LIN28B: variants seen among roughly 807,000 people sequenced by gnomAD.
The protein encoded by LIN28B is lin-28 RNA binding posttranscriptional regulator B, also known as protein lin-28 homolog B.
LIN28B carries 5 observed loss-of-function variants against 21.9 expected under a neutral mutation model. That is an observed-to-expected ratio of 0.23 (90% confidence interval 0.12 to 0.48). The LOEUF (loss-of-function observed/expected upper bound fraction) is 0.48. LIN28B is among the 20% of genes least tolerant of loss of function. The pLI, the probability that LIN28B is intolerant of heterozygous loss-of-function variation, is 0.98. For synonymous variants in LIN28B, 109 were observed against 111.3 expected, an observed-to-expected ratio of 0.98 and a Z score of 0.13; for missense variants, 245 against 310.5, an observed-to-expected ratio of 0.79 and a Z score of 1.58.
chr6:105,029,096 A>T (rs1397718278), intron 3 of LIN28B, among the ~76,000 whole-genome samples: 1 of 152,234 alleles, frequency 6.6e-6, no homozygotes, highest in African/African-American at 2.4e-5. Flanking sequence ...TCTGAGGTTG[A>T]CAAGAACGGG....
At chr6:105,027,374 G>T (rs1436916726) in intron 3 of LIN28B, among the ~76,000 whole-genome samples, 4 of 151,938 alleles carry the variant, frequency 2.6e-5, no homozygotes, top group African/African-American at 4.8e-5. Context: ...TTTGTTTGTG[G>T]TTTTTTTCAC....
intron 2 of LIN28B, among the ~76,000 whole-genome samples, chr6:105,018,609 T>C (rs1192307712): frequency 1.3e-5 from 2 of 152,232 alleles, no homozygotes; most frequent in African/African-American, 4.8e-5. Flanking sequence ...CTATTTTATG[T>C]ATTCCCTTTC....
chr6:104,955,522 ATTAAAT>A (rs1236178529), upstream of LIN28B, among the ~76,000 whole-genome samples: 2 of 152,218 alleles, frequency 1.3e-5, no homozygotes, highest in Admixed American at 1.3e-4. Context: ...ATCTGAGCCA[ATTAAAT>A]TTATATTTAG....
intron 2 of LIN28B, among the ~76,000 whole-genome samples, chr6:104,959,734 A>C (rs1350240704): frequency 6.6e-6 from 1 of 152,170 alleles, no homozygotes; most frequent in African/African-American, 2.4e-5. Context: ...CCCCTCTAAG[A>C]CTGGATGACA....
chr6:104,971,005 A>T (rs1055694059), intron 2 of LIN28B, among the ~76,000 whole-genome samples: 3 of 152,098 alleles, frequency 2.0e-5, no homozygotes, highest in African/African-American at 7.2e-5. Flanking sequence ...TGAACCATTA[A>T]ATATTTGATC....
At chr6:105,029,103 C>T (rs147963034) in intron 3 of LIN28B, among the ~76,000 whole-genome samples, 2 of 152,240 alleles carry the variant, frequency 1.3e-5, no homozygotes, top group East Asian at 1.9e-4. Context: ...TTGACAAGAA[C>T]GGGCTGAGTG....
At chr6:104,963,593 T>C (rs1420392335) in intron 2 of LIN28B, among the ~76,000 whole-genome samples, 1 of 152,180 alleles carries the variant, frequency 6.6e-6, no homozygotes, top group East Asian at 1.9e-4. Context: ...AAAGAGCAGT[T>C]TTAGGTTCAC....
At chr6:105,070,555 T>A (rs1319342642) in intron 3 of LIN28B, among the ~76,000 whole-genome samples, 4 of 147,118 alleles carry the variant, frequency 2.7e-5, no homozygotes, top group Admixed American at 6.9e-5. Flanking sequence ...GACACCAGCT[T>A]GGGCAACATG....
At chr6:104,950,389 G>A (rs1243216942) in intron 2 of LIN28B, 1 of 787,046 alleles carries the variant, frequency 1.3e-6, no homozygotes, top group African/African-American at 1.8e-5. Flanking sequence ...GCTTTCTAAT[G>A]GCCATTAGGA....
chr6:104,989,449 T>C (rs1770413881), intron 2 of LIN28B, among the ~76,000 whole-genome samples: 2 of 151,886 alleles, frequency 1.3e-5, no homozygotes, highest in African/African-American at 2.4e-5. Flanking sequence ...TCTCAATCTC[T>C]TGGCCTCAAG....
intron 2 of LIN28B, among the ~76,000 whole-genome samples, chr6:104,990,945 C>G (rs894133604): frequency 4.6e-5 from 7 of 152,204 alleles, no homozygotes; most frequent in Admixed American, 2.0e-4. Flanking sequence ...AAAATGGAGT[C>G]TCCTATGTCT....
intron 2 of LIN28B, among the ~76,000 whole-genome samples, chr6:104,995,564 G>T (rs559761012): frequency 6.6e-6 from 1 of 152,262 alleles, no homozygotes; most frequent in South Asian, 2.1e-4. Context: ...TCAGATTTAA[G>T]TGGTAGTGAA....
At chr6:105,015,495 G>A (rs935995993) in intron 2 of LIN28B, among the ~76,000 whole-genome samples, 1 of 151,924 alleles carries the variant, frequency 6.6e-6, no homozygotes, top group Non-Finnish European at 1.5e-5. Context: ...CTGCATTTTC[G>A]TTGGAGTGTT....
chr6:104,967,153 C>G (rs905707212), intron 2 of LIN28B, among the ~76,000 whole-genome samples: 10 of 152,068 alleles, frequency 6.6e-5, no homozygotes, highest in Admixed American at 4.6e-4. Context: ...GAGATTAATT[C>G]ATATGCATTT....
chr6:104,950,613 A>C (rs1778209963), intron 3 of LIN28B: 5 of 614,626 alleles, frequency 8.1e-6, no homozygotes, highest in African/African-American at 1.9e-5. Context: ...GGAATTCTCC[A>C]TCCTTTCTAC....
intron 2 of LIN28B, among the ~76,000 whole-genome samples, chr6:105,010,805 T>C (rs1477662498): frequency 6.6e-6 from 1 of 152,168 alleles, no homozygotes; most frequent in Non-Finnish European, 1.5e-5. Context: ...CTCAAACCCA[T>C]CTCAAGACAT....
intron 2 of LIN28B, among the ~76,000 whole-genome samples, chr6:105,017,772 AAACT>A (rs1771058282): frequency 2.0e-5 from 3 of 152,222 alleles, no homozygotes; most frequent in South Asian, 2.1e-4. Context: ...AAGGGTTGAA[AAACT>A]AACTATTGGG....
At chr6:104,973,493 G>A (rs930342348) in intron 2 of LIN28B, among the ~76,000 whole-genome samples, 1 of 151,980 alleles carries the variant, frequency 6.6e-6, no homozygotes, top group African/African-American at 2.4e-5. Context: ...GCCTTAAGTC[G>A]TCTCTTTCTT....
At chr6:105,068,498 G>A (rs1207157090) in intron 3 of LIN28B, among the ~76,000 whole-genome samples, 1 of 152,166 alleles carries the variant, frequency 6.6e-6, no homozygotes, top group Non-Finnish European at 1.5e-5. Flanking sequence ...GAGACATAGA[G>A]TATTCATTTC....
Sources: allele counts gnomAD v4.1 joint callset (sites outside exome capture counted in the v4.1 genomes callset), GRCh38; gene constraint gnomAD v4.1.1; transcripts MANE v1.5; gene names NCBI Gene and HGNC (gene_info 2026-07-23, HGNC 2026-07-21).